TCP1: variants seen among roughly 807,000 people sequenced by gnomAD.
TCP1 encodes the protein T-complex protein 1 subunit alpha.
A neutral mutation model predicts 54.7 loss-of-function variants in TCP1; 6 were observed. The observed-to-expected ratio is 0.11, with a 90% CI of 0.06 to 0.22. The LOEUF (loss-of-function observed/expected upper bound fraction) is 0.22, where lower values mean the gene tolerates loss of function less well. Among genes scored for constraint, TCP1 ranks in the 10% least tolerant of loss-of-function variants. TCP1 has a pLI of 1.00. For synonymous variants in TCP1, 225 were observed against 229.7 expected (o/e 0.98, Z 0.19); for missense variants, 511 against 678.2 (o/e 0.75, Z 2.74).
rs754793719 is a variant in TCP1, at chr6:159,783,988, T to G, written c.750A>C (p.Val250=). The change falls in exon 7 of 12, where the codon GTA becomes GTC. Residue 250 remains valine, a synonymous_variant. Transcript: ENST00000321394. Reference sequence around the variant, plus strand: ...TTTCAGGGTCTGTAATGACCACCTGTACACCAAGCTTCATTTTTGTTTTTT... The same window carrying G: ...TTTCAGGGTCTGTAATGACCACCTGGACACCAAGCTTCATTTTTGTTTTTT... The part of the protein sequence containing the change: ...SLQKTKMKLG[V]QVVITDPEKL... 1.2e-6 allele frequency: 2 copies of G among 1,613,090 alleles called. No homozygotes were observed. Among genetic ancestry groups the G allele is most frequent in the South Asian group, 2.2e-5 (2 of 91,008 alleles).
intron 2 of TCP1, 80 bp downstream of exon 2, chr6:159,787,978 A>G (rs949428882): frequency 3.7e-6 from 6 of 1,605,300 alleles, no homozygotes; most frequent in East Asian, 2.2e-5. Context: ...GGATTCTGAT[A>G]AAGTCAAAGA....
Position 159,787,850 on chromosome 6 carries a change from C to T in TCP1, c.172G>A (p.Gly58Ser). ...DIGDVTITND[G>S]ATILKLLEVE... Reference sequence around the variant, plus strand: ...TCCAGTAACTTCAGGATGGTTGCACCATCGTTAGTAATGGTTACATCCTAA... The same window carrying T: ...TCCAGTAACTTCAGGATGGTTGCACTATCGTTAGTAATGGTTACATCCTAA... The change falls in exon 3 of 12, where the codon GGT becomes AGT. Residue 58 changes from glycine to serine, a missense_variant. Coordinates refer to ENST00000321394, the MANE Select transcript of TCP1 (RefSeq NM_030752.3). 2 of 1,614,148 alleles carry T rather than the reference C, an allele frequency of 1.2e-6. No homozygotes were observed. The highest frequency in any genetic ancestry group is 1.7e-6 in the Non-Finnish European group (2 of 1,180,006).
intron 4 of TCP1, 196 bp downstream of exon 4, chr6:159,785,704 T>G (rs1216412838): frequency 2.9e-5 from 23 of 788,504 alleles, no homozygotes; most frequent in Non-Finnish European, 5.0e-5. Flanking sequence ...AATCTATTAT[T>G]AGGAGAAAAT....
At chr6:159,783,806 T>C in intron 7 of TCP1, 135 bp downstream of exon 7, 1 of 1,185,956 alleles carries the variant, frequency 8.4e-7, no homozygotes, top group East Asian at 2.5e-5. Context: ...TCATATAGGT[T>C]GTATAACCCC....
Position 159,780,517 on chromosome 6 carries a change from T to G in TCP1, c.1023A>C (p.Glu341Asp), listed in dbSNP as rs1207083755. 1.2e-6 allele frequency: 2 copies of G among 1,613,972 alleles called. No homozygotes were observed. Among genetic ancestry groups the G allele is most frequent in the Non-Finnish European group, 1.7e-6 (2 of 1,179,986 alleles). Residue 341 changes from glutamate (E) to aspartate (D), a missense_variant, in exon 9 of 12, where the codon GAA (glutamate) becomes GAC (aspartate). Glu to Asp is a conservative substitution (Grantham distance 45, BLOSUM62 2). Transcript: ENST00000321394. ...LANLEGEETFEAAMLGQAEEV... is the reference protein window; with the variant it reads ...LANLEGEETFDAAMLGQAEEV... ...CTTCTGCCTGTCCCAACATTGCAGC[T>G]TCAAAAGTTTCTTCACCTTCCAAAT...
At chr6:159,780,621 T>A (rs1780554022) in intron 8 of TCP1, 55 bp from the exon 9 acceptor site, 2 of 1,576,916 alleles carry the variant, frequency 1.3e-6, no homozygotes, top group African/African-American at 1.4e-5. Flanking sequence ...GATTTTAATA[T>A]CCTTGGACTC....
At position 159,778,538 on chromosome 6, in the gene TCP1, A is replaced by C; in HGVS notation, c.*507T>G. 1 of 1,137,626 alleles carries C rather than the reference A, an allele frequency of 8.8e-7. No individual in the cohort carries two copies. Among genetic ancestry groups the C allele is most frequent in the Non-Finnish European group, 1.2e-6 (1 of 807,492 alleles). 70.5% of individuals were successfully genotyped at this position (1,137,626 alleles called of 1,614,324 possible). On this transcript the variant is annotated 3_prime_UTR_variant, in exon 12 of 12. Transcript: ENST00000321394. ...GTGTAAATTTATTCCTAAGCAGTTA[A>C]AATGAAAATTTGAGTTTGAAAGGGT...
intron 6 of TCP1, 134 bp from the exon 7 acceptor site, chr6:159,784,201 A>G: frequency 1.8e-6 from 2 of 1,096,982 alleles, no homozygotes; most frequent in Non-Finnish European, 2.5e-6. Flanking sequence ...ATTTTATGGC[A>G]TTAAATGCAC....
chr6:159,779,154 G>A lies in TCP1; in HGVS notation c.1562C>T (p.Ala521Val). The A allele has an allele frequency of 6.2e-7, 1 of 1,613,750 alleles. No individual in the cohort carries two copies. The highest frequency in any genetic ancestry group is 2.2e-5 in the East Asian group (1 of 44,868). ...VKSLKFATEA[A>V]ITILRIDDLI... ...ATCATCAATTCGAAGAATGGTGATT[G>A]CAGCTTCTGTTGCAAATTTCAAACT... The change falls in exon 12 of 12, where the codon GCA becomes GTA. Residue 521 changes from alanine to valine, a missense_variant. Ala to Val is a moderately conservative substitution (Grantham distance 64). This residue lies in a region of TCP1 where 88 missense variants were observed against 153.1 expected (regional missense o/e 0.57). Coordinates refer to ENST00000321394, the MANE Select transcript of TCP1 (RefSeq NM_030752.3).
In TCP1 at chr6:159,778,881, A is replaced by C. The variant is rs1583135769; in HGVS notation, c.*164T>G. ...TTTCTTTTTAAACTAATAAAGTACT[A>C]GGTTGCAATATGTGAAATCAGAGGA... On this transcript the variant is annotated 3_prime_UTR_variant, in exon 12 of 12. Coordinates refer to ENST00000321394, the MANE Select transcript of TCP1 (RefSeq NM_030752.3). 6.2e-7 allele frequency: 1 copy of C among 1,607,884 alleles called. No homozygotes were observed. The highest frequency in any genetic ancestry group is 2.2e-5 in the East Asian group (1 of 44,804).
intron 5 of TCP1, 67 bp downstream of exon 5, chr6:159,785,316 TACC>T: frequency 8.4e-7 from 1 of 1,192,036 alleles, no homozygotes; most frequent in Middle Eastern, 2.8e-4. Context: ...TACAGGCACA[TACC>T]ACCATGCCCA....
chr6:159,787,998 G>A lies in TCP1; in HGVS notation c.150+60C>T, dbSNP rs529233442. On this transcript the variant is annotated intron_variant, in intron 2 of 11. Coordinates refer to ENST00000321394, the MANE Select transcript of TCP1 (RefSeq NM_030752.3). ...CTGATAAAGTCAAAGAAAGAACATAGCAAAACACTGAAGATAGTTTTACTT... is the reference window on the plus strand; with the variant it reads ...CTGATAAAGTCAAAGAAAGAACATAACAAAACACTGAAGATAGTTTTACTT... 4.4e-6 allele frequency: 7 copies of A among 1,608,158 alleles called. No individual in the cohort carries two copies. In the East Asian group the frequency reaches 6.7e-5, roughly 15 times the overall value.
At chr6:159,785,777 A>T (rs1314874963) in intron 4 of TCP1, 123 bp downstream of exon 4, 1 of 886,468 alleles carries the variant, frequency 1.1e-6, no homozygotes. Context: ...TTACTACTTA[A>T]ATGCTAAAAC....
chr6:159,779,828 GA>G (rs747719891), intron 10 of TCP1, 38 bp from the exon 11 acceptor site: 225 of 1,511,826 alleles, frequency 1.5e-4, no homozygotes, highest in Admixed American at 4.7e-4. Context: ...TCACAAAAGG[GA>G]AAAAAAAAAT....
intron 1 of TCP1, 199 bp downstream of exon 1, chr6:159,789,205 CG>C: frequency 1.7e-6 from 1 of 573,398 alleles, no homozygotes; most frequent in Non-Finnish European, 3.0e-6. Flanking sequence ...CCGCGCGCGG[CG>C]GGGCTCCTCC....
At chr6:159,781,187 C>G (rs550512852) in intron 7 of TCP1, 77 bp from the exon 8 acceptor site, 43 of 1,220,334 alleles carry the variant, frequency 3.5e-5, no homozygotes, top group Admixed American at 5.2e-5. Context: ...GTATTTATCA[C>G]AAGATAATCA....
intron 10 of TCP1, 28 bp downstream of exon 10, chr6:159,779,867 C>T (rs1388920695): frequency 1.2e-6 from 2 of 1,610,734 alleles, no homozygotes; most frequent in South Asian, 1.1e-5. Flanking sequence ...GCTCTCAGGC[C>T]TCTAAGACAA....
rs781369041 is a variant in TCP1 at position 159,788,010 on chromosome 6, A to G, written c.150+48T>C. ...AAGAAAGAACATAGCAAAACACTGA[A>G]GATAGTTTTACTTTAAGGAAACTAA... On this transcript the variant is annotated intron_variant, in intron 2 of 11. Coordinates refer to ENST00000321394, the MANE Select transcript of TCP1 (RefSeq NM_030752.3). The G allele has an allele frequency of 1.4e-5, 23 of 1,606,456 alleles. No homozygotes were observed. In the Admixed American group the frequency reaches 3.8e-4, roughly 27 times the overall value.
rs905036243 is a variant in TCP1 at position 159,789,554 on chromosome 6, G to C, written c.-86C>G. 6.2e-5 allele frequency: 94 copies of C among 1,516,818 alleles called. No homozygotes were observed. The highest frequency in any genetic ancestry group is 8.0e-5 in the Non-Finnish European group (88 of 1,103,466). The allele number at this position is 1,516,818 out of a possible 1,614,324, so 94.0% of individuals were successfully genotyped here. On this transcript the variant is annotated 5_prime_UTR_variant, in exon 1 of 12. Coordinates refer to ENST00000321394, the MANE Select transcript of TCP1 (RefSeq NM_030752.3). ...CCTCGGCCGACCGGCGACCACAGCA[G>C]TGGCTGCGACGGCGTGGAGCGTACC...
Sources: gnomAD v4.1 joint callset for allele counts on GRCh38, gnomAD v4.1.1 for gene constraint, gnomAD v4.1.1 regional missense constraint, MANE v1.5 for transcripts, NCBI Gene and HGNC (gene_info 2026-07-23, HGNC 2026-07-21) for gene names.